The following TNKS variants were observed in gnomAD, a reference collection of about 807,000 sequenced individuals.
TNKS encodes tankyrase.
A neutral mutation model predicts 135.8 loss-of-function variants in TNKS; 72 were observed. The ratio of observed to expected loss-of-function variants is 0.53; its 90% CI spans 0.44 to 0.64. The LOEUF is 0.64. Ranked by LOEUF, TNKS falls within the 30% of genes least tolerant of loss-of-function variation. The pLI is 0.00. For synonymous variants in TNKS, 849 were observed against 649.3 expected (o/e 1.31, Z -4.68); for missense variants, 1,769 against 1,674.0 (o/e 1.06, Z -0.99).
intron 3 of TNKS, among the ~76,000 whole-genome samples, chr8:9,645,246 C>T (rs1347585591): frequency 2.6e-5 from 4 of 151,980 alleles, no homozygotes; most frequent in African/African-American, 9.7e-5. Flanking sequence ...TTTGTAGAAT[C>T]CCAAGATCAG....
intron 1 of TNKS, among the ~76,000 whole-genome samples, chr8:9,565,153 G>A (rs899229373): frequency 2.0e-5 from 3 of 152,112 alleles, no homozygotes; most frequent in African/African-American, 2.4e-5. Context: ...TTCTCTTCTC[G>A]AATCTTGTTT....
intron 2 of TNKS, among the ~76,000 whole-genome samples, chr8:9,605,506 G>T (rs1003273050): frequency 1.8e-4 from 27 of 151,972 alleles, no homozygotes; most frequent in African/African-American, 6.5e-4. Flanking sequence ...AAATACTTAA[G>T]ACTAAGTATG....
chr8:9,726,906 GTA>G (rs1422105363), intron 13 of TNKS, among the ~76,000 whole-genome samples, 186 bp downstream of exon 13: 1 of 152,018 alleles, frequency 6.6e-6, no homozygotes, highest in Non-Finnish European at 1.5e-5. Context: ...GAAACCATTT[GTA>G]TATATATGTG....
rs1032881721 is a variant in TNKS, at chr8:9,608,030, C to T, written c.899-7552C>T. Among the ~76,000 whole-genome samples, 4 of 152,248 alleles carry T rather than the reference C, an allele frequency of 2.6e-5. No individual in the cohort carries two copies. The South Asian group carries it at 6.2e-4, about 24-fold the overall frequency. Reference sequence around the variant, plus strand: ...TCATGGCTCACTGCAGCCTTCACCTCCTGAGGCTCAAGCGATCCTCCCACC... The same window carrying T: ...TCATGGCTCACTGCAGCCTTCACCTTCTGAGGCTCAAGCGATCCTCCCACC... On this transcript the variant is annotated intron_variant, in intron 2 of 26. Transcript: ENST00000310430.
intron 26 of TNKS, 78 bp downstream of exon 26, chr8:9,770,340 C>T: frequency 4.9e-6 from 7 of 1,417,810 alleles, no homozygotes; most frequent in African/African-American, 1.4e-5. Flanking sequence ...AGACTTGAGA[C>T]ACTTTTCAGT....
intron 11 of TNKS, among the ~76,000 whole-genome samples, chr8:9,712,765 C>G (rs1804403262): frequency 6.6e-6 from 1 of 151,984 alleles, no homozygotes; most frequent in Non-Finnish European, 1.5e-5. Context: ...TGGTGCATTC[C>G]TGTAGTCCCA....
chr8:9,561,259 C>G (rs371326891), intron 1 of TNKS, among the ~76,000 whole-genome samples: 1 of 152,162 alleles, frequency 6.6e-6, no homozygotes, highest in African/African-American at 2.4e-5. Context: ...CTGTGCAAAT[C>G]TTATGTGTAC....
intron 18 of TNKS, among the ~76,000 whole-genome samples, chr8:9,749,796 G>A (rs1205258989): frequency 6.6e-6 from 1 of 152,020 alleles, no homozygotes; most frequent in African/African-American, 2.4e-5. Flanking sequence ...GTAGCTCTTG[G>A]CCATGCCCTC....
chr8:9,680,859 G>A (rs1802751454), intron 5 of TNKS, 59 bp downstream of exon 5: 1 of 1,305,904 alleles, frequency 7.7e-7, no homozygotes, highest in African/African-American at 1.5e-5. Flanking sequence ...TTGTGAATGT[G>A]GCATATATAT....
intron 1 of TNKS, chr8:9,557,800 A>G (rs1024984434): frequency 6.6e-6 from 1 of 152,196 alleles, no homozygotes; most frequent in Non-Finnish European, 1.5e-5. Context: ...CTTGGGAGAT[A>G]TGATTAACCA....
At chr8:9,579,499 C>T (rs768942948) in intron 1 of TNKS, among the ~76,000 whole-genome samples, 7 of 152,160 alleles carry the variant, frequency 4.6e-5, no homozygotes, top group Non-Finnish European at 8.8e-5. Flanking sequence ...TGAGGAGTCT[C>T]GCACTATTGC....
At chr8:9,709,579 A>G (rs1235824214) in intron 9 of TNKS, among the ~76,000 whole-genome samples, 2 of 152,162 alleles carry the variant, frequency 1.3e-5, no homozygotes, top group Non-Finnish European at 2.9e-5. Context: ...GCTTAGAAAT[A>G]CTGACTTGTG....
At chr8:9,609,335 C>G (rs1237390632) in intron 2 of TNKS, among the ~76,000 whole-genome samples, 2 of 152,184 alleles carry the variant, frequency 1.3e-5, no homozygotes, top group African/African-American at 4.8e-5. Flanking sequence ...CACCTTAAAT[C>G]AAATTCTAGG....
chr8:9,726,429 C>T (rs944396942), intron 12 of TNKS, among the ~76,000 whole-genome samples: 1 of 152,058 alleles, frequency 6.6e-6, no homozygotes, highest in South Asian at 2.1e-4. Context: ...AAAAAGTAAA[C>T]ATTAAGTACT....
intron 2 of TNKS, among the ~76,000 whole-genome samples, chr8:9,594,720 G>T (rs35285942): frequency 1.3e-5 from 2 of 152,220 alleles, no homozygotes; most frequent in Non-Finnish European, 2.9e-5. Flanking sequence ...TCAGTCACCT[G>T]TTGTAGGCCA....
intron 3 of TNKS, among the ~76,000 whole-genome samples, chr8:9,630,438 G>C (rs1446099722): frequency 6.6e-6 from 1 of 152,154 alleles, no homozygotes; most frequent in Admixed American, 6.5e-5. Flanking sequence ...GTCTTGTCTG[G>C]TGGTTGGTTT....
At chr8:9,610,828 C>T (rs1019210592) in intron 2 of TNKS, among the ~76,000 whole-genome samples, 4 of 152,126 alleles carry the variant, frequency 2.6e-5, no homozygotes, top group African/African-American at 9.7e-5. Flanking sequence ...TTAATAATGC[C>T]TGCAGTTAAA....
chr8:9,635,362 G>A (rs938209407), intron 3 of TNKS, among the ~76,000 whole-genome samples: 4 of 152,150 alleles, frequency 2.6e-5, no homozygotes, highest in Admixed American at 6.5e-5. Flanking sequence ...GGTAATACAT[G>A]AACGAATGGG....
Position 9,748,036 on chromosome 8 carries a change from G to A in TNKS, c.2656G>A (p.Ala886Thr). 6.2e-7 allele frequency: 1 copy of A among 1,606,542 alleles called. No individual in the cohort carries two copies. Among genetic ancestry groups the A allele is most frequent in the Non-Finnish European group, 8.5e-7 (1 of 1,177,292 alleles). ...NAASYGHVDI[A>T]ALLIKYNTCV... ...TCTTTTTTTTCAGCATGTTGACATA[G>A]CGGCTTTATTGATAAAATACAACAC... is the stretch of plus-strand genomic sequence containing the variant. The change falls in exon 18 of 27, where the codon GCG becomes ACG. Residue 886 changes from alanine to threonine, a missense_variant. By Grantham distance (58) the Ala-to-Thr change is moderately conservative (BLOSUM62 0). Around this residue, in one of 5 missense-constraint regions of TNKS, gnomAD observed 722 missense variants for 688.9 expected, o/e 1.05. Coordinates refer to ENST00000310430, the MANE Select transcript of TNKS (RefSeq NM_003747.3).
Sources: allele counts gnomAD v4.1 joint callset (sites outside exome capture counted in the v4.1 genomes callset), GRCh38; gene constraint gnomAD v4.1.1; regional missense constraint gnomAD v4.1.1; transcripts MANE v1.5; gene names NCBI Gene and HGNC (gene_info 2026-07-23, HGNC 2026-07-21).